MICAL3: variants seen among roughly 807,000 people sequenced by gnomAD.
MICAL3 encodes [F-actin]-monooxygenase MICAL3.
A neutral mutation model predicts 207.4 loss-of-function variants in MICAL3; 62 were observed. That is an observed-to-expected ratio of 0.30 (90% CI 0.24 to 0.37). The LOEUF (loss-of-function observed/expected upper bound fraction) is 0.37. Among genes scored for constraint, MICAL3 ranks in the 10% least tolerant of loss-of-function variants. The probability of loss-of-function intolerance (pLI) is 1.00; values close to 1 mark genes in which losing one functional copy is unlikely to be tolerated. For synonymous variants in MICAL3, 1,077 were observed against 1,069.3 expected, an observed-to-expected ratio of 1.01 and a Z score of -0.14; for missense variants, 2,368 against 2,635.6, an observed-to-expected ratio of 0.90 and a Z score of 2.22.
rs569372698 is a variant in MICAL3 at position 17,924,785 on chromosome 22, G to T, written c.-74-17899C>A. ...AAGCCCCAGAGCATCTCAAGCCACA[G>T]TGTGAGAACAGCAGGTATTTCATAA... is the stretch of plus-strand genomic sequence containing the variant. On this transcript the variant is annotated intron_variant, in intron 1 of 31. Coordinates refer to ENST00000441493, the MANE Select transcript of MICAL3 (RefSeq NM_015241.3). Among the ~76,000 whole-genome samples the T allele has an allele frequency of 3.9e-5, 6 of 152,306 alleles. No individual in the cohort carries two copies. The South Asian group carries it at 1.0e-3, about 26-fold the overall frequency.
chr22:17,817,783 G>T lies in MICAL3; in HGVS notation c.4878C>A (p.Ala1626=). 3.1e-6 allele frequency: 5 copies of T among 1,602,718 alleles called. No individual in the cohort carries two copies. The highest frequency in any genetic ancestry group is 4.3e-6 in the Non-Finnish European group (5 of 1,174,228). ...QLSRMQQMEL[A]SGAPRPRKAS... ...CCTTGCGGGGCCTGGGGGCGCCTGA[G>T]GCCAGCTCCATCTGCTGCATCCTGC... The change falls in exon 26 of 32, where the codon GCC becomes GCA. Residue 1626 remains alanine (A), a synonymous_variant. Coordinates refer to ENST00000441493, the MANE Select transcript of MICAL3 (RefSeq NM_015241.3).
At chr22:17,839,955 C>T (rs938228063) in intron 20 of MICAL3, 24 of 117,846 alleles carry the variant, frequency 2.0e-4, no homozygotes, top group African/African-American at 6.8e-4. Context: ...TTTTTTGAGA[C>T]GGAGTCTCAC....
intron 1 of MICAL3, among the ~76,000 whole-genome samples, chr22:17,956,610 C>T (rs773086938): frequency 2.0e-5 from 3 of 152,068 alleles, no homozygotes; most frequent in Non-Finnish European, 4.4e-5. Context: ...CAGAGGTTGC[C>T]GTGAGCCAAG....
intron 1 of MICAL3, among the ~76,000 whole-genome samples, chr22:17,928,737 G>C (rs1287168293): frequency 6.6e-6 from 1 of 152,222 alleles, no homozygotes; most frequent in Admixed American, 6.5e-5. Flanking sequence ...TGCCCCATAG[G>C]GGGGTGACCA....
chr22:17,904,800 C>G lies in MICAL3; in HGVS notation c.304G>C (p.Ala102Pro). The G allele has an allele frequency of 6.2e-7, 1 of 1,614,034 alleles. No homozygotes were observed. Among genetic ancestry groups the G allele is most frequent in the Non-Finnish European group, 8.5e-7 (1 of 1,179,884 alleles). The change falls in exon 3 of 32, where the codon GCC becomes CCC. Residue 102 changes from alanine to proline, a missense_variant. Physicochemically the swap from Ala to Pro is conservative, Grantham distance 27. Around this residue, in one of 4 missense-constraint regions of MICAL3, gnomAD observed 400 missense variants for 547.0 expected, o/e 0.73. Transcript: ENST00000441493. ...IGAGPCGLRT[A>P]IDLSLLGAKV... is the part of the protein sequence containing the mutation. ...GCCCCCAGTAAGGATAAGTCGATGG[C>G]TGTACGGAGACCACAGGGGCCAGCC...
chr22:17,985,962 A>C (rs1479727771), intron 1 of MICAL3, among the ~76,000 whole-genome samples: 2 of 152,148 alleles, frequency 1.3e-5, no homozygotes, highest in African/African-American at 4.8e-5. Context: ...GGTGGAGTGC[A>C]GTGGCAGCAA....
chr22:17,914,543 G>A (rs531709281), intron 1 of MICAL3, among the ~76,000 whole-genome samples: 1 of 152,318 alleles, frequency 6.6e-6, no homozygotes, highest in South Asian at 2.1e-4. Flanking sequence ...GAAAGCTCAT[G>A]AGAATGCATG....
intron 1 of MICAL3, chr22:17,983,283 C>A (rs200461519): frequency 1.3e-5 from 2 of 152,180 alleles, no homozygotes; most frequent in East Asian, 3.8e-4. Context: ...CCTCCCTGCA[C>A]CCCCCTAGGC....
intron 1 of MICAL3, among the ~76,000 whole-genome samples, chr22:17,919,858 G>C (rs760970857): frequency 6.6e-6 from 1 of 152,254 alleles, no homozygotes; most frequent in African/African-American, 2.4e-5. Context: ...AATAGCTTCA[G>C]TGTAACTGTT....
Position 17,841,729 on chromosome 22 carries a change from C to T in MICAL3, c.2801+93G>A, listed in dbSNP as rs1012245851. 6.8e-6 allele frequency: 9 copies of T among 1,327,690 alleles called. No individual in the cohort carries two copies. Among genetic ancestry groups the T allele is most frequent in the Admixed American group, 6.2e-5 (3 of 48,546 alleles). The allele number at this position is 1,327,690 out of a possible 1,614,324, so 82.2% of individuals were successfully genotyped here. A position where few individuals can be genotyped will look rare whatever the true frequency, so the allele number is the denominator to read the frequency against. On this transcript the variant is annotated intron_variant, in intron 20 of 31. Transcript: ENST00000441493. This position sits in a 1 kb window ranked among gnomAD's most constrained non-coding sequence, Gnocchi z 4.2. ...GCGGGCAGCAGGAAAGACAGGAGGC[C>T]TCCCTTCACTGAGAAGAAACCGAGA...
chr22:17,870,520 T>C (rs924974746), intron 17 of MICAL3, among the ~76,000 whole-genome samples: 18 of 152,150 alleles, frequency 1.2e-4, no homozygotes, highest in African/African-American at 4.3e-4. Context: ...CACACACCCA[T>C]GGGCAAAAGT....
chr22:17,956,663 A>G (rs1183573432), intron 1 of MICAL3, among the ~76,000 whole-genome samples: 4 of 152,178 alleles, frequency 2.6e-5, no homozygotes, highest in Non-Finnish European at 5.9e-5. Flanking sequence ...CGACTCCTGC[A>G]CTGCGACTAC....
intron 7 of MICAL3, among the ~76,000 whole-genome samples, chr22:17,898,237 G>A (rs559748003): frequency 6.2e-4 from 95 of 152,324 alleles, no homozygotes; most frequent in African/African-American, 2.0e-3. Flanking sequence ...GTCCCAAGGC[G>A]TACGAACTGC....
At chr22:17,965,610 A>G (rs1410628044) in intron 1 of MICAL3, among the ~76,000 whole-genome samples, 1 of 152,210 alleles carries the variant, frequency 6.6e-6, no homozygotes, top group Admixed American at 6.5e-5. Flanking sequence ...GCCTCATGTG[A>G]TAGACAAGAA....
intron 15 of MICAL3, among the ~76,000 whole-genome samples, chr22:17,886,289 A>G (rs939790835): frequency 2.0e-5 from 3 of 152,232 alleles, no homozygotes; most frequent in African/African-American, 7.2e-5. Context: ...ACATGTATGA[A>G]CCAAAGAGAC....
rs571878390 is a variant in MICAL3 at position 17,911,132 on chromosome 22, C to T, written c.-74-4246G>A. On this transcript the variant is annotated intron_variant, in intron 1 of 31. Coordinates refer to ENST00000441493, the MANE Select transcript of MICAL3 (RefSeq NM_015241.3). ...CAGCTGACTGCTGACTCAGAAGCCC[C>T]GCATGGGCCTTGGCTGTGGAGGATG... Among the ~76,000 whole-genome samples the T allele has an allele frequency of 7.2e-5, 11 of 152,290 alleles. No individual in the cohort carries two copies. In the East Asian group the frequency reaches 1.7e-3, roughly 24 times the overall value.
chr22:17,842,109 C>CCCCACATTCTGG, intron 19 of MICAL3, 92 bp from the exon 20 acceptor site: 2 of 1,260,848 alleles, frequency 1.6e-6, no homozygotes, highest in Non-Finnish European at 2.2e-6. Context: ...GGCCCTCCTG[C>CCCCACATTCTGG]CAGAATGTGG....
At chr22:17,995,495 T>C (rs1277300694) in intron 1 of MICAL3, among the ~76,000 whole-genome samples, 1 of 68,138 alleles carries the variant, frequency 1.5e-5, no homozygotes, top group Non-Finnish European at 3.0e-5. Flanking sequence ...TCTTTAATTT[T>C]TTTTTTTTTT....
chr22:17,918,272 C>T (rs990094558), intron 1 of MICAL3, among the ~76,000 whole-genome samples: 1 of 150,272 alleles, frequency 6.7e-6, no homozygotes, highest in Non-Finnish European at 1.5e-5. Context: ...CAGAACGAGA[C>T]TGTCTCTTAA....
Sources: allele counts gnomAD v4.1 joint callset (sites outside exome capture counted in the v4.1 genomes callset), GRCh38; gene constraint gnomAD v4.1.1; regional missense constraint gnomAD v4.1.1; non-coding constraint Gnocchi (gnomAD v3.1); transcripts MANE v1.5; gene names NCBI Gene and HGNC (gene_info 2026-07-23, HGNC 2026-07-21).